Variants in GABBR2 observed in about 807,000 individuals in gnomAD.
The protein encoded by GABBR2 is gamma-aminobutyric acid type B receptor subunit 2.
In GABBR2, 23 loss-of-function variants were observed where a neutral mutation model predicts 105.6. That is an observed-to-expected ratio of 0.22 (90% CI 0.16 to 0.31). GABBR2 has a LOEUF of 0.31. Ranked by LOEUF, GABBR2 falls within the 10% of genes least tolerant of loss-of-function variation. The probability of loss-of-function intolerance (pLI) is 1.00; values close to 1 mark genes in which losing one functional copy is unlikely to be tolerated. For missense variants in GABBR2, 734 were observed against 1,245.5 expected (o/e 0.59, Z 6.18); for synonymous variants, 478 against 499.7 (o/e 0.96, Z 0.58).
intron 1 of GABBR2, among the ~76,000 whole-genome samples, chr9:98,628,180 A>G (rs1588259236): frequency 1.3e-5 from 2 of 152,186 alleles, no homozygotes; most frequent in Non-Finnish European, 1.5e-5. Context: ...CCAACAATAA[A>G]CCGTTTACAT....
rs1830247845 is a variant in GABBR2, at chr9:98,660,687, G to T, written c.321+47730C>A. 2.6e-5 allele frequency among the ~76,000 whole-genome samples: 4 copies of T among 152,180 alleles called. No individual in the cohort carries two copies. The South Asian group carries it at 8.3e-4, about 32-fold the overall frequency. ...TAAAGTCAAGGTTTTGGCGGGGCTG[G>T]TTCCTTCTGGAGGCTCTGAGAGGAA... On this transcript the variant is annotated intron_variant, in intron 1 of 18. Transcript: ENST00000259455.
At chr9:98,460,378 A>T (rs1417106466) in intron 6 of GABBR2, among the ~76,000 whole-genome samples, 2 of 152,186 alleles carry the variant, frequency 1.3e-5, no homozygotes, top group Admixed American at 6.5e-5. Context: ...TCTATCTCTA[A>T]AATAAAATAA....
At chr9:98,589,636 A>G (rs1021347648) in intron 1 of GABBR2, among the ~76,000 whole-genome samples, 1 of 152,090 alleles carries the variant, frequency 6.6e-6, no homozygotes, top group African/African-American at 2.4e-5. Flanking sequence ...TTCTCCTATC[A>G]TTCAAGACAC....
intron 2 of GABBR2, among the ~76,000 whole-genome samples, chr9:98,571,117 A>G (rs780271488): frequency 1.6e-4 from 25 of 152,200 alleles, no homozygotes; most frequent in Non-Finnish European, 5.9e-5. Context: ...CAGGTCAGGA[A>G]GCACAGGGGA....
At chr9:98,551,480 T>A (rs1457663124) in intron 2 of GABBR2, among the ~76,000 whole-genome samples, 1 of 152,202 alleles carries the variant, frequency 6.6e-6, no homozygotes, top group Admixed American at 6.5e-5. Context: ...ATCCATTTTA[T>A]ACCTGAAAAA....
chr9:98,528,482 C>A (rs548168232), intron 3 of GABBR2, among the ~76,000 whole-genome samples: 1 of 152,130 alleles, frequency 6.6e-6, no homozygotes, highest in African/African-American at 2.4e-5. Context: ...GTATAACACA[C>A]TAAATTTTTC....
intron 1 of GABBR2, among the ~76,000 whole-genome samples, chr9:98,654,282 T>A (rs1024254822): frequency 2.2e-4 from 34 of 152,200 alleles, no homozygotes; most frequent in Non-Finnish European, 4.6e-4. Context: ...TTTGGGCCCC[T>A]CTGCACCTGG....
chr9:98,465,093 G>A (rs1826517726), intron 6 of GABBR2, among the ~76,000 whole-genome samples: 1 of 60,736 alleles, frequency 1.6e-5, no homozygotes, highest in Non-Finnish European at 2.9e-5. Flanking sequence ...CCCTCTCTGA[G>A]AAACACCCAA....
chr9:98,572,865 C>T (rs1462178505), intron 2 of GABBR2, among the ~76,000 whole-genome samples: 5 of 152,296 alleles, frequency 3.3e-5, no homozygotes, highest in East Asian at 1.9e-4. Flanking sequence ...CCAAGCCCCC[C>T]CAGCATGCCC....
intron 8 of GABBR2, among the ~76,000 whole-genome samples, chr9:98,403,100 C>A (rs1343150118): frequency 6.6e-6 from 1 of 151,976 alleles, no homozygotes; most frequent in Non-Finnish European, 1.5e-5. Flanking sequence ...TCGAGACCAG[C>A]CTGGCCAATA....
intron 1 of GABBR2, among the ~76,000 whole-genome samples, chr9:98,586,114 C>T (rs2131789420): frequency 6.6e-6 from 1 of 152,068 alleles, no homozygotes; most frequent in African/African-American, 2.4e-5. Flanking sequence ...AGAAAATATT[C>T]CATATACAAT....
intron 2 of GABBR2, among the ~76,000 whole-genome samples, chr9:98,568,264 A>T (rs897140997): frequency 1.9e-4 from 29 of 152,152 alleles, no homozygotes; most frequent in African/African-American, 6.8e-4. Context: ...GGAGAGACTA[A>T]TCAGACATGT....
At position 98,644,980 on chromosome 9, in the gene GABBR2, C is replaced by T. The variant is rs760761987; in HGVS notation, c.321+63437G>A. On this transcript the variant is annotated intron_variant, in intron 1 of 18. Transcript: ENST00000259455. ...CTTTAGCCCAGCAATATATGTTACC[C>T]CAAGGTATAAAACCCAGGGCGGGCT... Among the ~76,000 whole-genome samples the T allele has an allele frequency of 3.3e-5, 5 of 152,174 alleles. No individual in the cohort carries two copies. The East Asian group carries it at 5.8e-4, about 18-fold the overall frequency.
intron 9 of GABBR2, 60 bp downstream of exon 9, chr9:98,394,115 A>G (rs990831014): frequency 8.3e-7 from 1 of 1,199,290 alleles, no homozygotes; most frequent in Non-Finnish European, 1.2e-6. Context: ...CCCTTAGACA[A>G]TGTCCAGGCT....
chr9:98,470,178 A>G (rs746352197), intron 6 of GABBR2, among the ~76,000 whole-genome samples: 14 of 152,254 alleles, frequency 9.2e-5, no homozygotes, highest in Non-Finnish European at 1.5e-4. Context: ...TACTAGGTGA[A>G]TAAAGCACTA....
chr9:98,705,755 G>A (rs1170915774), intron 1 of GABBR2, among the ~76,000 whole-genome samples: 1 of 152,156 alleles, frequency 6.6e-6, no homozygotes, highest in Non-Finnish European at 1.5e-5. Flanking sequence ...TAAAGATAAG[G>A]CCACTTGTGA....
intron 3 of GABBR2, among the ~76,000 whole-genome samples, chr9:98,526,604 C>A (rs1301931415): frequency 6.6e-6 from 1 of 152,102 alleles, no homozygotes; most frequent in African/African-American, 2.4e-5. Flanking sequence ...TTTTTTAAAT[C>A]ATTTGTTTCC....
chr9:98,480,008 A>T (rs760185756), intron 5 of GABBR2, among the ~76,000 whole-genome samples: 4 of 151,898 alleles, frequency 2.6e-5, no homozygotes, highest in African/African-American at 4.8e-5. Context: ...TTGCACTCAA[A>T]CTCTGTCATC....
chr9:98,579,709 G>A (rs1030224855), intron 1 of GABBR2, among the ~76,000 whole-genome samples: 1 of 152,130 alleles, frequency 6.6e-6, no homozygotes, highest in Admixed American at 6.5e-5. Flanking sequence ...TGGCAAAGTG[G>A]ATTCAAAAGA....
Sources: allele counts gnomAD v4.1 joint callset (sites outside exome capture counted in the v4.1 genomes callset), GRCh38; gene constraint gnomAD v4.1.1; transcripts MANE v1.5; gene names NCBI Gene and HGNC (gene_info 2026-07-23, HGNC 2026-07-21).